The following SETD1B variants were observed in gnomAD, a reference collection of about 807,000 sequenced individuals.
SETD1B encodes SET domain containing 1B, histone lysine methyltransferase, also known as histone-lysine N-methyltransferase SETD1B.
SETD1B carries 7 observed loss-of-function variants against 148.0 expected under a neutral mutation model. The observed-to-expected ratio is 0.05, with a 90% CI of 0.03 to 0.09. The LOEUF is 0.09. Ranked by LOEUF, SETD1B falls within the 10% of genes least tolerant of loss-of-function variation. SETD1B has a pLI of 1.00. For synonymous variants in SETD1B, 1,361 were observed against 1,186.5 expected (o/e 1.15, Z -3.02); for missense variants, 2,155 against 2,729.9 (o/e 0.79, Z 4.69).
rs1167800113 is a variant in SETD1B at position 121,810,411 on chromosome 12, C to T, written c.1466C>T (p.Pro489Leu). Residue 489 changes from proline to leucine, a missense_variant, in exon 6 of 17, where the codon CCT (proline) becomes CTT (leucine). Physicochemically the swap from Pro to Leu is moderately conservative, Grantham distance 98. Coordinates refer to ENST00000604567, the MANE Select transcript of SETD1B (RefSeq NM_001353345.2). The surrounding 1 kb of genome is among the most constrained non-coding windows in gnomAD (Gnocchi z 7.6). Reference sequence around the variant, plus strand: ...GGCACGCCCACGCTGGAGTCGTCCCCTGCAGGGCCAGAGAAACCCCACGAC... The same window carrying T: ...GGCACGCCCACGCTGGAGTCGTCCCTTGCAGGGCCAGAGAAACCCCACGAC... The part of the protein sequence containing the change: ...SPGTPTLESS[P>L]AGPEKPHDSL... 6.5e-7 allele frequency: 1 copy of T among 1,549,156 alleles called. No homozygotes were observed. The highest frequency in any genetic ancestry group is 2.0e-5 in the Admixed American group (1 of 51,012).
chr12:121,804,676 C>T lies in SETD1B; in HGVS notation c.-14-48C>T. On this transcript the variant is annotated intron_variant, in intron 1 of 16. Coordinates refer to ENST00000604567, the MANE Select transcript of SETD1B (RefSeq NM_001353345.2). The surrounding 1 kb of genome is among the most constrained non-coding windows in gnomAD (Gnocchi z 4.6). ...TTCTTTCGCGTGTGTGTAGAAGCGG[C>T]CGCCGCCGCCGCCGCGGCGGAGACG... The T allele has an allele frequency of 7.1e-7, 1 of 1,403,532 alleles. No individual in the cohort carries two copies. Among genetic ancestry groups the T allele is most frequent in the East Asian group, 2.6e-5 (1 of 38,566 alleles). The allele number at this position is 1,403,532 out of a possible 1,614,324, so 86.9% of individuals were successfully genotyped here.
rs561174103 is a variant in SETD1B at position 121,819,693 on chromosome 12, C to A, written c.3708C>A (p.Ile1236=). ...DSLGMEEEVD[I]ETEAVAPEER... ...TGGGCATGGAAGAGGAGGTGGACAT[C>A]GAGACTGAGGCTGTGGCCCCTGAGG... Residue 1236 remains isoleucine (I), a synonymous_variant, in exon 11 of 17, where the codon ATC becomes ATA. Coordinates refer to ENST00000604567, the MANE Select transcript of SETD1B (RefSeq NM_001353345.2). 6.4e-7 allele frequency: 1 copy of A among 1,551,108 alleles called. No individual in the cohort carries two copies. Among genetic ancestry groups the A allele is most frequent in the East Asian group, 2.4e-5 (1 of 40,924 alleles).
At chr12:121,792,776 C>G in the SETD1B span, among the ~76,000 whole-genome samples, 179 of 152,336 alleles carry the variant, frequency 1.2e-3, no homozygotes, top group African/African-American at 3.8e-3. Context: ...ATCCGAGCAC[C>G]AAGGGACTCA....
At chr12:121,791,699 A>G in the SETD1B span, among the ~76,000 whole-genome samples, 1 of 152,242 alleles carries the variant, frequency 6.6e-6, no homozygotes, top group Non-Finnish European at 1.5e-5. Flanking sequence ...CAGAAAGGCC[A>G]TCCCTGTTCT....
Position 121,814,204 on chromosome 12 carries a change from C to G in SETD1B, c.1989C>G (p.Thr663=), listed in dbSNP as rs1048047340. 2 of 1,543,616 alleles carry G rather than the reference C, an allele frequency of 1.3e-6. No individual in the cohort carries two copies. The highest frequency in any genetic ancestry group is 1.7e-6 in the Non-Finnish European group (2 of 1,146,002). The part of the protein sequence containing the change: ...SADCPKPMVV[T]PGAAAVAAPS... Reference sequence around the variant, plus strand: ...ACTGCCCCAAGCCCATGGTGGTGACCCCAGGAGCGGCAGCCGTGGCAGCCC... The same window carrying G: ...ACTGCCCCAAGCCCATGGTGGTGACGCCAGGAGCGGCAGCCGTGGCAGCCC... Residue 663 remains threonine, a synonymous_variant, in exon 7 of 17, where the codon ACC becomes ACG. Transcript: ENST00000604567.
At chr12:121,829,325 C>T in intron 16 of SETD1B, among the ~76,000 whole-genome samples, 1 of 152,128 alleles carries the variant, frequency 6.6e-6, no homozygotes, top group East Asian at 1.9e-4. Flanking sequence ...CTGGTGGCCC[C>T]AGAAGTGGAG....
chr12:121,817,101 C>G lies in SETD1B; in HGVS notation c.2784C>G (p.Ile928Met). The G allele has an allele frequency of 2.6e-6, 4 of 1,549,006 alleles. No individual in the cohort carries two copies. Among genetic ancestry groups the G allele is most frequent in the Non-Finnish European group, 3.5e-6 (4 of 1,146,712 alleles). ...ACAGGCCGAAGCCCAAGGACCGCATCGCCTCGTGCCTGCTGGAGTCATGGG... is the reference window on the plus strand; with the variant it reads ...ACAGGCCGAAGCCCAAGGACCGCATGGCCTCGTGCCTGCTGGAGTCATGGG... ...DEDRPKPKDR[I>M]ASCLLESWGK... Residue 928 changes from isoleucine (I) to methionine (M), a missense_variant, in exon 8 of 17, where the codon ATC becomes ATG. Ile to Met is a conservative substitution (Grantham distance 10). Coordinates refer to ENST00000604567, the MANE Select transcript of SETD1B (RefSeq NM_001353345.2). The surrounding 1 kb of genome is among the most constrained non-coding windows in gnomAD (Gnocchi z 8.1).
intron 11 of SETD1B, among the ~76,000 whole-genome samples, 159 bp from the exon 12 acceptor site, chr12:121,822,331 T>A (rs1158856689): frequency 6.6e-6 from 1 of 152,188 alleles, no homozygotes; most frequent in African/African-American, 2.4e-5. Context: ...TGACACTGGG[T>A]TGGGCGCTGA....
chr12:121,821,748 C>T (rs1490809102), intron 11 of SETD1B, among the ~76,000 whole-genome samples: 2 of 151,288 alleles, frequency 1.3e-5, no homozygotes, highest in African/African-American at 4.9e-5. Context: ...GAGACTGTCT[C>T]GAAAAAATAA....
intron 11 of SETD1B, among the ~76,000 whole-genome samples, chr12:121,821,738 G>A (rs751145810): frequency 1.2e-4 from 18 of 152,114 alleles, no homozygotes; most frequent in Non-Finnish European, 2.1e-4. Flanking sequence ...GTGACAGAGT[G>A]AGACTGTCTC....
At chr12:121,825,431 CATG>C in intron 13 of SETD1B, 65 bp downstream of exon 13, 6 of 1,453,300 alleles carry the variant, frequency 4.1e-6, no homozygotes, top group Non-Finnish European at 5.5e-6. Flanking sequence ...CCAGGGCACT[CATG>C]GAGGGGTGCC....
At chr12:121,794,761 T>G in the SETD1B span, among the ~76,000 whole-genome samples, 2 of 129,800 alleles carry the variant, frequency 1.5e-5, no homozygotes, top group South Asian at 2.9e-4. Flanking sequence ...CCCAGATGAG[T>G]CGACAGGGTG....
Position 121,805,102 on chromosome 12 carries a change from C to G in SETD1B, c.175-16C>G, listed in dbSNP as rs1875662531. 7.7e-6 allele frequency: 12 copies of G among 1,550,452 alleles called. No homozygotes were observed. Among genetic ancestry groups the G allele is most frequent in the Non-Finnish European group, 1.0e-5 (12 of 1,145,930 alleles). On this transcript the variant is annotated splice_polypyrimidine_tract_variant and intron_variant, in intron 2 of 16. Coordinates refer to ENST00000604567, the MANE Select transcript of SETD1B (RefSeq NM_001353345.2). The surrounding 1 kb of genome is among the most constrained non-coding windows in gnomAD (Gnocchi z 4.2). ...GACCAGTTCTCTCATCCCGGCCCCC[C>G]AATTTCTCCCCACAGATGTCCAGCA...
In SETD1B at chr12:121,810,713, C is replaced by T; in HGVS notation, c.1768C>T (p.Leu590Phe). Reference protein sequence around the residue: ...SDEDEELDLGLGPRPPPEPGP... With the variant: ...SDEDEELDLGFGPRPPPEPGP... ...CGAGGACGAGGAGCTCGACCTGGGC[C>T]TTGGGCCTCGGCCTCCACCTGAGCC... Residue 590 changes from leucine to phenylalanine, a missense_variant, in exon 6 of 17, where the codon CTT (leucine) becomes TTT (phenylalanine). Physicochemically the swap from Leu to Phe is conservative, Grantham distance 22 (BLOSUM62 0). Around this residue, in one of 11 missense-constraint regions of SETD1B, gnomAD observed 295 missense variants for 303.8 expected, o/e 0.97. Transcript: ENST00000604567. The surrounding 1 kb of genome is among the most constrained non-coding windows in gnomAD (Gnocchi z 7.6). 1 of 1,551,150 alleles carries T rather than the reference C, an allele frequency of 6.4e-7. No individual in the cohort carries two copies. The highest frequency in any genetic ancestry group is 1.4e-5 in the African/African-American group (1 of 73,180).
chr12:121,827,686 G>A (rs773264598), intron 14 of SETD1B, 36 bp downstream of exon 14: 40 of 1,551,438 alleles, frequency 2.6e-5, no homozygotes, highest in South Asian at 8.3e-5. Flanking sequence ...CCGGGGTGGC[G>A]GCAGGACCTG....
intron 6 of SETD1B, among the ~76,000 whole-genome samples, chr12:121,811,721 GGGA>G (rs1292558566): frequency 6.6e-6 from 1 of 152,204 alleles, no homozygotes; most frequent in Non-Finnish European, 1.5e-5. Context: ...GTGGGCGGAG[GGGA>G]GGAGGACTGC....
chr12:121,805,141 A>G lies in SETD1B; in HGVS notation c.198A>G (p.Glu66=). 1 of 1,551,642 alleles carries G rather than the reference A, an allele frequency of 6.4e-7. No homozygotes were observed. The highest frequency in any genetic ancestry group is 8.7e-7 in the Non-Finnish European group (1 of 1,146,974). ...AGATGTCCAGCAACCGCCCGGTGGA[A>G]ATTGTCGAAGATCCCCGGGTCGTCG... The part of the protein sequence containing the change: ...SLAMSSNRPV[E]IVEDPRVVGI... Residue 66 remains glutamate, a synonymous_variant, in exon 3 of 17, where the codon GAA becomes GAG. Coordinates refer to ENST00000604567, the MANE Select transcript of SETD1B (RefSeq NM_001353345.2). This position sits in a 1 kb window ranked among gnomAD's most constrained non-coding sequence, Gnocchi z 4.2.
At position 121,830,388 on chromosome 12, in the gene SETD1B, CT is replaced by C. The variant is rs1239908233; in HGVS notation, c.*150del. On this transcript the variant is annotated 3_prime_UTR_variant, in exon 17 of 17. Coordinates refer to ENST00000604567, the MANE Select transcript of SETD1B (RefSeq NM_001353345.2). The surrounding 1 kb of genome is among the most constrained non-coding windows in gnomAD (Gnocchi z 5.7). ...GCCATTCAGGGCCTGGCGCCCCACA[CT>C]ACCCCCTGGAGCCCCTGGCTCCGGC... 6 of 705,400 alleles carry C rather than the reference CT, an allele frequency of 8.5e-6. No homozygotes were observed. The highest frequency in any genetic ancestry group is 1.4e-5 in the Non-Finnish European group (6 of 439,938). 43.7% of individuals were successfully genotyped at this position (705,400 alleles called of 1,614,324 possible).
the SETD1B span, among the ~76,000 whole-genome samples, chr12:121,799,003 CCACAG>C: frequency 2.0e-5 from 3 of 152,222 alleles, no homozygotes; most frequent in East Asian, 5.8e-4. Flanking sequence ...TGTTCCCAGA[CCACAG>C]CATCAGCCTC....
Sources: allele counts gnomAD v4.1 joint callset (sites outside exome capture counted in the v4.1 genomes callset), GRCh38; gene constraint gnomAD v4.1.1; regional missense constraint gnomAD v4.1.1; non-coding constraint Gnocchi (gnomAD v3.1); transcripts MANE v1.5; gene names NCBI Gene and HGNC (gene_info 2026-07-23, HGNC 2026-07-21).